The following GLB1 variants were observed in gnomAD, a reference collection of about 807,000 sequenced individuals.
GLB1 encodes the protein beta-galactosidase.
GLB1 carries 56 observed loss-of-function variants against 74.0 expected under a neutral mutation model. The observed-to-expected ratio is 0.76, with a 90% CI of 0.61 to 0.94. The LOEUF is 0.94. Ranked by LOEUF, GLB1 falls within the 40% of genes least tolerant of loss-of-function variation. GLB1 has a pLI of 0.00. For missense variants in GLB1, 787 were observed against 845.5 expected, an observed-to-expected ratio of 0.93 and a Z score of 0.86; for synonymous variants, 323 against 323.6, an observed-to-expected ratio of 1.00 and a Z score of 0.02.
chr3:33,072,974 A>G (rs1699941271), intron 1 of GLB1, among the ~76,000 whole-genome samples: 1 of 152,142 alleles, frequency 6.6e-6, no homozygotes, highest in African/African-American at 2.4e-5. Context: ...TGAGCTGACA[A>G]TCAGTGGCTG....
rs1698998556 is a variant in GLB1 at position 33,051,738 on chromosome 3, A to C, written c.955+20T>G. On this transcript the variant is annotated intron_variant, in intron 9 of 15. Coordinates refer to ENST00000307363, the MANE Select transcript of GLB1 (RefSeq NM_000404.4). Reference sequence around the variant, plus strand: ...GAAACATTCTAGCATAAGTTTCTACAGATATTAAAGTGCTCTTACCATTCC... The same window carrying C: ...GAAACATTCTAGCATAAGTTTCTACCGATATTAAAGTGCTCTTACCATTCC... The C allele has an allele frequency of 2.5e-6, 4 of 1,614,062 alleles. No individual in the cohort carries two copies. Among genetic ancestry groups the C allele is most frequent in the Non-Finnish European group, 2.5e-6 (3 of 1,180,054 alleles).
intron 4 of GLB1, 138 bp from the exon 5 acceptor site, chr3:33,065,695 CG>C: frequency 1.0e-6 from 1 of 989,002 alleles, no homozygotes; most frequent in Non-Finnish European, 1.5e-6. Flanking sequence ...TGGCTGGGTG[CG>C]GTGGCTCACG....
chr3:33,065,137 G>A (rs1174430815), intron 5 of GLB1, among the ~76,000 whole-genome samples: 1 of 152,174 alleles, frequency 6.6e-6, no homozygotes, highest in Non-Finnish European at 1.5e-5. Context: ...CACAGAATTA[G>A]GGTGCTATCC....
Position 33,093,355 on chromosome 3 carries a change from A to G in GLB1, c.75+3656T>C, listed in dbSNP as rs185690517. On this transcript the variant is annotated intron_variant, in intron 1 of 15. Transcript: ENST00000307363. The surrounding 1 kb of genome is among the most constrained non-coding windows in gnomAD (Gnocchi z 6.0). The stretch of plus-strand genomic sequence containing the variant: ...AACCAGTTGCTGACATCTGACGTGT[A>G]GTACTCATGATTGCCTGTGACGAAG... 1.2e-6 allele frequency: 2 copies of G among 1,614,202 alleles called. No individual in the cohort carries two copies. The highest frequency in any genetic ancestry group is 2.2e-5 in the East Asian group (1 of 44,878).
intron 6 of GLB1, among the ~76,000 whole-genome samples, chr3:33,055,958 T>C (rs1045982542): frequency 1.3e-5 from 2 of 151,746 alleles, no homozygotes; most frequent in Admixed American, 1.3e-4. Flanking sequence ...CCGGGCGCGG[T>C]GGCTCACGCC....
rs1700887689 is a variant in GLB1 at position 33,093,961 on chromosome 3, A to C, written c.75+3050T>G. 1.2e-6 allele frequency: 2 copies of C among 1,614,046 alleles called. No homozygotes were observed. Among genetic ancestry groups the C allele is most frequent in the South Asian group, 2.2e-5 (2 of 91,080 alleles). On this transcript the variant is annotated intron_variant, in intron 1 of 15. Transcript: ENST00000307363. This position sits in a 1 kb window ranked among gnomAD's most constrained non-coding sequence, Gnocchi z 6.0. ...ACCTTCCAAAGCTGAAAACAGGTTG[A>C]CTCTGCAGCTGGGGAGTGGCAGAGG...
At chr3:32,998,333 C>T (rs1313017778) in intron 15 of GLB1, among the ~76,000 whole-genome samples, 2 of 152,196 alleles carry the variant, frequency 1.3e-5, no homozygotes, top group African/African-American at 4.8e-5. Flanking sequence ...CATGGTGAAA[C>T]CCCGTCTCTA....
intron 1 of GLB1, among the ~76,000 whole-genome samples, chr3:33,084,776 C>A (rs535810928): frequency 6.6e-6 from 1 of 152,244 alleles, no homozygotes; most frequent in South Asian, 2.1e-4. Context: ...ACAGATCTAA[C>A]TTTCCACACT....
intron 2 of GLB1, among the ~76,000 whole-genome samples, chr3:33,070,787 A>G (rs1699861455): frequency 6.6e-6 from 1 of 152,182 alleles, no homozygotes; most frequent in Non-Finnish European, 1.5e-5. Context: ...TTAAGGTTTC[A>G]GTGAACTATG....
At chr3:33,042,592 C>T (rs1330888226) in intron 10 of GLB1, among the ~76,000 whole-genome samples, 4 of 152,184 alleles carry the variant, frequency 2.6e-5, no homozygotes, top group Non-Finnish European at 5.9e-5. Context: ...TGGTCTCGAT[C>T]TCCTGACCTC....
intron 1 of GLB1, chr3:33,090,438 G>A (rs902077593): frequency 6.1e-6 from 6 of 985,256 alleles, no homozygotes; most frequent in Middle Eastern, 5.2e-4. Flanking sequence ...AGGAATGGCA[G>A]CAGGATCAAT....
At chr3:33,084,203 C>A (rs1206139559) in intron 1 of GLB1, among the ~76,000 whole-genome samples, 1 of 152,138 alleles carries the variant, frequency 6.6e-6, no homozygotes, top group East Asian at 1.9e-4. Flanking sequence ...CCTGCAAGCA[C>A]CCTGAGGCTG....
chr3:33,094,250 A>C (rs965576684), intron 1 of GLB1: 77 of 1,526,556 alleles, frequency 5.0e-5, no homozygotes, highest in Non-Finnish European at 6.6e-5. Context: ...GACTCTGGAA[A>C]TGAGTTCCTT....
intron 1 of GLB1, among the ~76,000 whole-genome samples, chr3:33,083,015 CCT>C (rs1700376418): frequency 6.6e-6 from 1 of 152,068 alleles, no homozygotes; most frequent in Non-Finnish European, 1.5e-5. Context: ...CAAGATGACC[CCT>C]CTCAAAAGTT....
At chr3:33,025,036 C>T (rs1405156058) in intron 10 of GLB1, among the ~76,000 whole-genome samples, 2 of 152,016 alleles carry the variant, frequency 1.3e-5, no homozygotes, top group African/African-American at 2.4e-5. Context: ...ACCTCTGCCT[C>T]CCGGGTTCAA....
At chr3:33,096,290 G>C (rs1202867526) in intron 1 of GLB1, 7 of 708,920 alleles carry the variant, frequency 9.9e-6, no homozygotes, top group Non-Finnish European at 1.2e-5. Context: ...GACGCAGCGA[G>C]TGAAGCTGTC....
In GLB1 at chr3:33,035,583, A is replaced by G. The variant is rs572768079; in HGVS notation, c.1068+10537T>C. On this transcript the variant is annotated intron_variant, in intron 10 of 15. Transcript: ENST00000307363. ...CTTTGAGATGGGGTTAGTGCCTTAAATGAGATCCCAGAGAGCTCTTTAGCC... is the reference window on the plus strand; with the variant it reads ...CTTTGAGATGGGGTTAGTGCCTTAAGTGAGATCCCAGAGAGCTCTTTAGCC... Among the ~76,000 whole-genome samples, 32 of 152,288 alleles carry G rather than the reference A, an allele frequency of 2.1e-4. No individual in the cohort carries two copies. The South Asian group carries it at 6.6e-3, about 32-fold the overall frequency.
chr3:33,079,835 G>A (rs1700261653), intron 1 of GLB1, among the ~76,000 whole-genome samples: 1 of 152,194 alleles, frequency 6.6e-6, no homozygotes, highest in South Asian at 2.1e-4. Flanking sequence ...TGGCTGGAGT[G>A]CAGCAGCATG....
At chr3:33,071,562 A>G (rs1227902555) in intron 2 of GLB1, among the ~76,000 whole-genome samples, 1 of 152,224 alleles carries the variant, frequency 6.6e-6, no homozygotes, top group East Asian at 1.9e-4. Context: ...CCTAAGCACA[A>G]GGCTTATTCT....
Sources: allele counts gnomAD v4.1 joint callset (sites outside exome capture counted in the v4.1 genomes callset), GRCh38; gene constraint gnomAD v4.1.1; non-coding constraint Gnocchi (gnomAD v3.1); transcripts MANE v1.5; gene names NCBI Gene and HGNC (gene_info 2026-07-23, HGNC 2026-07-21).